Variants in PTPRD observed in about 807,000 individuals in gnomAD.
PTPRD encodes the protein protein tyrosine phosphatase receptor type D.
Under a neutral mutation model 214.5 loss-of-function variants are expected in PTPRD, and 34 were observed. That is an observed-to-expected ratio of 0.16 (90% CI 0.12 to 0.21). The LOEUF is 0.21. Among genes scored for constraint, PTPRD ranks in the 10% least tolerant of loss-of-function variants. PTPRD has a pLI of 1.00. For synonymous variants in PTPRD, 1,128 were observed against 845.7 expected (o/e 1.33, Z -5.79); for missense variants, 2,545 against 2,398.7 (o/e 1.06, Z -1.27).
chr9:9,695,161 T>C (rs747209464), intron 7 of PTPRD, among the ~76,000 whole-genome samples: 2 of 152,130 alleles, frequency 1.3e-5, no homozygotes, highest in Non-Finnish European at 2.9e-5. Context: ...AAGGGCTCTT[T>C]AGTCAGAAGT....
At chr9:9,610,098 A>C (rs1459194679) in intron 7 of PTPRD, among the ~76,000 whole-genome samples, 1 of 152,150 alleles carries the variant, frequency 6.6e-6, no homozygotes, top group Non-Finnish European at 1.5e-5. Context: ...CATAGAAATA[A>C]AGATGTGCCA....
intron 9 of PTPRD, among the ~76,000 whole-genome samples, chr9:9,221,959 T>G (rs2099956361): frequency 6.6e-6 from 1 of 152,144 alleles, no homozygotes; most frequent in South Asian, 2.1e-4. Context: ...TTTAACAAAA[T>G]CCTGAAGTGA....
rs148035400 is a variant in PTPRD, at chr9:10,212,750, A to G, written c.-545+128213T>C. 7.9e-4 allele frequency among the ~76,000 whole-genome samples: 120 copies of G among 152,252 alleles called. No individual in the cohort carries two copies. The East Asian group carries it at 0.021, about 26-fold the overall frequency. ...ATCTTGTTACTGTATTGTCAAGAGG[A>G]AGACAGTGATTTCACAGCTGAACTT... On this transcript the variant is annotated intron_variant, in intron 3 of 45. Transcript: ENST00000381196.
At chr9:9,558,864 A>T (rs867590719) in intron 8 of PTPRD, among the ~76,000 whole-genome samples, 2 of 152,178 alleles carry the variant, frequency 1.3e-5, no homozygotes, top group Non-Finnish European at 2.9e-5. Context: ...TTCAGGATCT[A>T]GGGGTGTCTC....
intron 3 of PTPRD, among the ~76,000 whole-genome samples, chr9:10,240,272 G>C (rs965547925): frequency 6.6e-6 from 1 of 151,942 alleles, no homozygotes; most frequent in Non-Finnish European, 1.5e-5. Context: ...CCCATGCTAT[G>C]TAAAACTATC....
intron 5 of PTPRD, among the ~76,000 whole-genome samples, chr9:9,891,547 T>A (rs747308854): frequency 6.6e-6 from 1 of 152,092 alleles, no homozygotes; most frequent in Non-Finnish European, 1.5e-5. Context: ...ATGAGCTTAT[T>A]TTTTTGACAG....
intron 37 of PTPRD, among the ~76,000 whole-genome samples, chr9:8,385,833 T>C (rs1039298697): frequency 6.6e-6 from 1 of 152,134 alleles, no homozygotes; most frequent in Non-Finnish European, 1.5e-5. Context: ...AAGAATCCCA[T>C]GGTCTGAGCT....
At chr9:8,937,990 T>G (rs1360087680) in intron 11 of PTPRD, among the ~76,000 whole-genome samples, 1 of 152,176 alleles carries the variant, frequency 6.6e-6, no homozygotes, top group East Asian at 1.9e-4. Flanking sequence ...TAAATACAAT[T>G]TAGTCTTACT....
At chr9:9,148,257 T>C (rs893635072) in intron 10 of PTPRD, among the ~76,000 whole-genome samples, 5 of 152,324 alleles carry the variant, frequency 3.3e-5, no homozygotes, top group South Asian at 4.1e-4. Context: ...AAAGTAGCTT[T>C]GATAAATCAG....
At chr9:9,328,560 T>G (rs1035099846) in intron 9 of PTPRD, among the ~76,000 whole-genome samples, 1 of 150,942 alleles carries the variant, frequency 6.6e-6, no homozygotes, top group Non-Finnish European at 1.5e-5. Flanking sequence ...ACAGAAATTA[T>G]GAGCAAAACA....
At chr9:8,929,614 C>G (rs1033578231) in intron 11 of PTPRD, among the ~76,000 whole-genome samples, 2 of 150,848 alleles carry the variant, frequency 1.3e-5, no homozygotes, top group African/African-American at 4.9e-5. Context: ...AGGATTTTTG[C>G]ATCGATGTTC....
Position 10,057,904 on chromosome 9 carries a change from G to C in PTPRD, c.-544-24114C>G, listed in dbSNP as rs142235751. Among the ~76,000 whole-genome samples the C allele has an allele frequency of 4.7e-3, 712 of 151,390 alleles. 7 individuals are homozygous for C. Among genetic ancestry groups the C allele is most frequent in the African/African-American group, 0.016 (665 of 41,284 alleles). On this transcript the variant is annotated intron_variant, in intron 3 of 45. Transcript: ENST00000381196. Reference sequence around the variant, plus strand: ...GTGGAATAATTCAGGACTTGAAGAAGCACACCACTGGCTCATGACAGTGAC... The same window carrying C: ...GTGGAATAATTCAGGACTTGAAGAACCACACCACTGGCTCATGACAGTGAC...
intron 11 of PTPRD, among the ~76,000 whole-genome samples, chr9:8,769,180 T>C (rs143743446): frequency 6.6e-6 from 1 of 152,362 alleles, no homozygotes; most frequent in East Asian, 1.9e-4. Flanking sequence ...AAATGATTTA[T>C]GTTATAATGT....
intron 3 of PTPRD, among the ~76,000 whole-genome samples, chr9:10,048,677 A>G (rs530337314): frequency 6.6e-6 from 1 of 152,074 alleles, no homozygotes; most frequent in Non-Finnish European, 1.5e-5. Flanking sequence ...CAAGGCAAGG[A>G]AAGTAGTTTC....
intron 11 of PTPRD, among the ~76,000 whole-genome samples, chr9:8,987,418 C>G (rs1003929722): frequency 9.2e-5 from 14 of 152,088 alleles, no homozygotes; most frequent in Admixed American, 2.0e-4. Flanking sequence ...TAATGCAGCT[C>G]CATCTTAGCT....
intron 4 of PTPRD, among the ~76,000 whole-genome samples, chr9:10,012,293 G>C (rs879005539): frequency 2.0e-5 from 3 of 151,740 alleles, no homozygotes; most frequent in Admixed American, 2.0e-4. Flanking sequence ...ATAACAAAAA[G>C]GGGGTAGGGT....
chr9:8,500,757 C>G lies in PTPRD; in HGVS notation c.2125G>C (p.Asp709His), dbSNP rs753775553. 6.2e-7 allele frequency: 1 copy of G among 1,613,904 alleles called. No homozygotes were observed. The highest frequency in any genetic ancestry group is 1.1e-5 in the South Asian group (1 of 91,068). Residue 709 changes from aspartate to histidine, a missense_variant, in exon 24 of 46, where the codon GAT becomes CAT. Asp to His is a moderately conservative substitution (Grantham distance 81). Coordinates refer to ENST00000381196, the MANE Select transcript of PTPRD (RefSeq NM_002839.4). ...SLSVLIRTNE[D>H]VPSGPPRKVE... ...TGACGTAGCGGAGGCAACATACCATCTTCATTGGTTCGAATCAACACGGAC... is the reference window on the plus strand; with the variant it reads ...TGACGTAGCGGAGGCAACATACCATGTTCATTGGTTCGAATCAACACGGAC...
intron 30 of PTPRD, 69 bp from the exon 31 acceptor site, chr9:8,471,154 C>T (rs2096645445): frequency 7.5e-7 from 1 of 1,328,906 alleles, no homozygotes; most frequent in Non-Finnish European, 1.1e-6. Flanking sequence ...ACCCTTAAAC[C>T]TTCCACAGAC....
intron 37 of PTPRD, among the ~76,000 whole-genome samples, chr9:8,381,886 G>A (rs1322181884): frequency 6.6e-6 from 1 of 152,154 alleles, no homozygotes; most frequent in Non-Finnish European, 1.5e-5. Context: ...CTGGCACTTT[G>A]TCCTAACCAG....
Sources: gnomAD v4.1 joint callset for allele counts (sites outside exome capture counted in the v4.1 genomes callset) on GRCh38, gnomAD v4.1.1 for gene constraint, MANE v1.5 for transcripts, NCBI Gene and HGNC (gene_info 2026-07-23, HGNC 2026-07-21) for gene names.